The following SYT9 variants were observed in gnomAD, a reference collection of about 807,000 sequenced individuals.
The protein encoded by SYT9 is synaptotagmin 9.
SYT9 carries 22 observed loss-of-function variants against 48.4 expected under a neutral mutation model. The ratio of observed to expected loss-of-function variants is 0.45; its 90% CI spans 0.32 to 0.65. SYT9 has a LOEUF of 0.65. Ranked by LOEUF, SYT9 falls within the 30% of genes least tolerant of loss-of-function variation. The probability of loss-of-function intolerance (pLI) is 0.03; values close to 1 mark genes in which losing one functional copy is unlikely to be tolerated. For missense variants in SYT9, 577 were observed against 622.0 expected (o/e 0.93, Z 0.77); for synonymous variants, 265 against 245.0 (o/e 1.08, Z -0.76).
At chr11:7,322,818 A>T (rs542275718) in intron 3 of SYT9, among the ~76,000 whole-genome samples, 2 of 152,198 alleles carry the variant, frequency 1.3e-5, no homozygotes, top group Admixed American at 6.5e-5. Context: ...AATCCCCCTA[A>T]GAGATTATCT....
At position 7,303,542 on chromosome 11, in the gene SYT9, A is replaced by G. The variant is rs180722874; in HGVS notation, c.497+152A>G. 4.3e-6 allele frequency: 3 copies of G among 704,672 alleles called. No homozygotes were observed. The East Asian group carries it at 8.2e-5, about 19-fold the overall frequency. 43.7% of individuals were successfully genotyped at this position (704,672 alleles called of 1,614,324 possible). On this transcript the variant is annotated intron_variant, in intron 2 of 6. Coordinates refer to ENST00000318881, the MANE Select transcript of SYT9 (RefSeq NM_175733.4). ...AATATGGGAAAACTCCATGCTTCCT[A>G]CGCCCTCCTTGGTCTCTACTTAGTT...
At chr11:7,332,003 T>TAGCTC (rs1849542489) in intron 3 of SYT9, among the ~76,000 whole-genome samples, 1 of 152,200 alleles carries the variant, frequency 6.6e-6, no homozygotes, top group African/African-American at 2.4e-5. Context: ...GAAACTAAAA[T>TAGCTC]AGCTCCAATA....
intron 1 of SYT9, among the ~76,000 whole-genome samples, chr11:7,302,715 T>C (rs2133936469): frequency 6.6e-6 from 1 of 152,352 alleles, no homozygotes; most frequent in South Asian, 2.1e-4. Flanking sequence ...GCCTGTAGGA[T>C]AGAGTCTCAT....
chr11:7,405,455 G>T (rs1325892945), intron 3 of SYT9, among the ~76,000 whole-genome samples: 1 of 152,148 alleles, frequency 6.6e-6, no homozygotes, highest in Non-Finnish European at 1.5e-5. Context: ...CAACAAATCA[G>T]CATCAGCTCA....
At position 7,468,300 on chromosome 11, in the gene SYT9, G is replaced by A. The variant is rs556175956; in HGVS notation, c.*1500G>A. 1 of 398,636 alleles carries A rather than the reference G, an allele frequency of 2.5e-6. No homozygotes were observed. The allele number at this position is 398,636 out of a possible 1,614,324, so 24.7% of individuals were successfully genotyped here. A position where few individuals can be genotyped will look rare whatever the true frequency, so the allele number is the denominator to read the frequency against. On this transcript the variant is annotated 3_prime_UTR_variant, in exon 7 of 7. Transcript: ENST00000318881. ...AAGTTCTCATTGCCCCAGCTGCCTA[G>A]TACTATACAAGAAGCTCTACTTTGA...
At position 7,288,631 on chromosome 11, in the gene SYT9, T is replaced by G. The variant is rs530502161; in HGVS notation, c.146-14408T>G. Among the ~76,000 whole-genome samples the G allele has an allele frequency of 4.6e-5, 7 of 152,350 alleles. 1 individual carries two copies. In the South Asian group the frequency reaches 1.5e-3, roughly 32 times the overall value. ...CATCTTACATAAAATGAGCCATTTT[T>G]TTTGGCTTTGCTGTCTTTCATCTGA... is the stretch of plus-strand genomic sequence containing the variant. On this transcript the variant is annotated intron_variant, in intron 1 of 6. Transcript: ENST00000318881.
Position 7,468,210 on chromosome 11 carries a change from T to C in SYT9, c.*1410T>C, listed in dbSNP as rs1190675943. ...ACCTTCCTGGAAAGCTCATTATCTC[T>C]GTTTGAATTAACATTTCAGCATGGA... is the stretch of plus-strand genomic sequence containing the variant. On this transcript the variant is annotated 3_prime_UTR_variant, in exon 7 of 7. Coordinates refer to ENST00000318881, the MANE Select transcript of SYT9 (RefSeq NM_175733.4). The C allele has an allele frequency of 7.5e-6, 3 of 398,520 alleles. No individual in the cohort carries two copies. Among genetic ancestry groups the C allele is most frequent in the East Asian group, 7.1e-5 (2 of 28,088 alleles). 24.7% of individuals were successfully genotyped at this position (398,520 alleles called of 1,614,324 possible). A position where few individuals can be genotyped will look rare whatever the true frequency, so the allele number is the denominator to read the frequency against.
intron 3 of SYT9, among the ~76,000 whole-genome samples, chr11:7,332,510 C>G (rs1266954755): frequency 6.6e-6 from 1 of 152,152 alleles, no homozygotes. Flanking sequence ...GTTATGGGAA[C>G]ATAGGTGGGA....
At chr11:7,425,806 C>T (rs1033026215) in intron 6 of SYT9, among the ~76,000 whole-genome samples, 5 of 152,098 alleles carry the variant, frequency 3.3e-5, no homozygotes, top group African/African-American at 4.8e-5. Flanking sequence ...GCAGTCAGGA[C>T]GTGGAGGGCT....
chr11:7,383,275 A>G (rs147902351), intron 3 of SYT9, among the ~76,000 whole-genome samples: 107 of 152,256 alleles, frequency 7.0e-4, no homozygotes, highest in African/African-American at 2.4e-3. Flanking sequence ...GCCTCTCACA[A>G]TGGTTTTTGC....
At chr11:7,240,563 A>G (rs1293855002) in intron 1 of SYT9, among the ~76,000 whole-genome samples, 1 of 152,224 alleles carries the variant, frequency 6.6e-6, no homozygotes, top group Non-Finnish European at 1.5e-5. Flanking sequence ...CATTCCTAAA[A>G]TTTTAAAACA....
At chr11:7,300,632 T>C (rs1848901456) in intron 1 of SYT9, among the ~76,000 whole-genome samples, 1 of 152,246 alleles carries the variant, frequency 6.6e-6, no homozygotes, top group Non-Finnish European at 1.5e-5. Context: ...ATTAACAGAA[T>C]GTAGAGAAGA....
At chr11:7,354,044 G>C (rs1367466511) in intron 3 of SYT9, among the ~76,000 whole-genome samples, 1 of 152,138 alleles carries the variant, frequency 6.6e-6, no homozygotes, top group Non-Finnish European at 1.5e-5. Context: ...TAATAGTAAT[G>C]ATTGAAATTT....
chr11:7,386,272 G>A (rs1408028999), intron 3 of SYT9, among the ~76,000 whole-genome samples: 7 of 151,990 alleles, frequency 4.6e-5, no homozygotes, highest in Non-Finnish European at 1.0e-4. Context: ...AAAAGAAATG[G>A]CAACAAAAGC....
chr11:7,250,909 G>GA (rs1847855257), upstream of SYT9, among the ~76,000 whole-genome samples: 1 of 151,550 alleles, frequency 6.6e-6, no homozygotes, highest in Non-Finnish European at 1.5e-5. Flanking sequence ...GAAAAAGAAG[G>GA]AAAAAAGAAA....
intron 1 of SYT9, among the ~76,000 whole-genome samples, chr11:7,241,251 C>T (rs1251817969): frequency 6.6e-6 from 1 of 151,086 alleles, no homozygotes; most frequent in Non-Finnish European, 1.5e-5. Context: ...CACACTCACC[C>T]CCCCCACACA....
intron 3 of SYT9, among the ~76,000 whole-genome samples, chr11:7,361,522 CAT>C (rs1850136761): frequency 1.3e-5 from 2 of 152,124 alleles, no homozygotes; most frequent in Admixed American, 1.3e-4. Context: ...TTCATGGTTC[CAT>C]ATGTGTTCCC....
intron 3 of SYT9, among the ~76,000 whole-genome samples, chr11:7,372,988 T>C (rs1470201402): frequency 6.6e-6 from 1 of 152,118 alleles, no homozygotes; most frequent in Non-Finnish European, 1.5e-5. Context: ...ATTTTTCTAT[T>C]GAGATGTTTG....
intron 3 of SYT9, among the ~76,000 whole-genome samples, chr11:7,415,407 T>C (rs2134095843): frequency 6.6e-6 from 1 of 152,236 alleles, no homozygotes; most frequent in Middle Eastern, 3.4e-3. Context: ...GGGTGTGTGC[T>C]GAGCTCTGTG....
Sources: allele counts gnomAD v4.1 joint callset (sites outside exome capture counted in the v4.1 genomes callset), GRCh38; gene constraint gnomAD v4.1.1; transcripts MANE v1.5; gene names NCBI Gene and HGNC (gene_info 2026-07-23, HGNC 2026-07-21).